The following ADGRV1 variants were observed in gnomAD, a reference collection of about 807,000 sequenced individuals.
ADGRV1 encodes adhesion G protein-coupled receptor V1.
Under a neutral mutation model 596.2 loss-of-function variants are expected in ADGRV1, and 359 were observed. The observed-to-expected ratio is 0.60, with a 90% CI of 0.55 to 0.66. The LOEUF is 0.66. Ranked by LOEUF, ADGRV1 falls within the 30% of genes least tolerant of loss-of-function variation. The pLI, the probability that ADGRV1 is intolerant of heterozygous loss-of-function variation, is 0.00. For synonymous variants in ADGRV1, 2,681 were observed against 2,679.2 expected (o/e 1.00, Z -0.02); for missense variants, 7,274 against 7,575.6 (o/e 0.96, Z 1.48).
At chr5:90,647,453 T>C in intron 16 of ADGRV1, 45 bp from the exon 17 acceptor site, 1 of 1,562,636 alleles carries the variant, frequency 6.4e-7, no homozygotes, top group South Asian at 1.2e-5. Flanking sequence ...AAATATGTGA[T>C]GGAATCAGAA....
At chr5:90,644,497 T>C (rs1451477709) in intron 14 of ADGRV1, among the ~76,000 whole-genome samples, 1 of 152,094 alleles carries the variant, frequency 6.6e-6, no homozygotes, top group East Asian at 1.9e-4. Context: ...AAAAAATGAG[T>C]CCATTTACTT....
chr5:90,907,848 G>A (rs1437152737), intron 83 of ADGRV1, among the ~76,000 whole-genome samples: 1 of 151,954 alleles, frequency 6.6e-6, no homozygotes, highest in Non-Finnish European at 1.5e-5. Context: ...TATGGAATTT[G>A]CCAAATTATT....
At chr5:90,877,810 C>A (rs1769364418) in intron 83 of ADGRV1, among the ~76,000 whole-genome samples, 1 of 151,490 alleles carries the variant, frequency 6.6e-6, no homozygotes, top group South Asian at 2.1e-4. Flanking sequence ...TAAATCAATA[C>A]AACTTTACCT....
At chr5:90,823,367 C>G (rs1581237190) in intron 75 of ADGRV1, 58 bp from the exon 76 acceptor site, 2 of 1,527,746 alleles carry the variant, frequency 1.3e-6, no homozygotes, top group Non-Finnish European at 1.8e-6. Context: ...ATAATAAACT[C>G]TATTAGACAT....
intron 50 of ADGRV1, among the ~76,000 whole-genome samples, chr5:90,733,618 G>T (rs1435997635): frequency 6.6e-6 from 1 of 151,988 alleles, no homozygotes; most frequent in African/African-American, 2.4e-5. Flanking sequence ...TACTGACCAG[G>T]AATCACGGTT....
rs201254749 is a variant in ADGRV1 at position 90,645,671 on chromosome 5, AAT to A, written c.2899-294_2899-293del. Among the ~76,000 whole-genome samples, 1,069 of 152,332 alleles carry A rather than the reference AAT, an allele frequency of 7.0e-3. 5 individuals are homozygous for A. Among genetic ancestry groups the A allele is most frequent in the Non-Finnish European group, 0.011 (732 of 68,032 alleles). ...ATGTCTCCCATTTTCCTGCAGAAAT[AAT>A]ATGACCTCTGTGGTATATCAGTTTT... On this transcript the variant is annotated intron_variant, in intron 15 of 89. Coordinates refer to ENST00000405460, the MANE Select transcript of ADGRV1 (RefSeq NM_032119.4).
chr5:90,685,961 G>A lies in ADGRV1; in HGVS notation c.6456G>A (p.Val2152=). Residue 2152 remains valine, a synonymous_variant, in exon 29 of 90, where the codon GTG becomes GTA. Transcript: ENST00000405460. ...GAGGAGCATTTGCAGATGTCTCTGTGAAGTTTAAAGCTGTGCCAATAACTG... is the reference window on the plus strand; with the variant it reads ...GAGGAGCATTTGCAGATGTCTCTGTAAAGTTTAAAGCTGTGCCAATAACTG... ...RTGGAFADVS[V]KFKAVPITAI... is the part of the protein sequence containing the mutation. The A allele has an allele frequency of 6.3e-7, 1 of 1,599,872 alleles. No individual in the cohort carries two copies. Among genetic ancestry groups the A allele is most frequent in the Non-Finnish European group, 8.5e-7 (1 of 1,171,442 alleles).
intron 1 of ADGRV1, among the ~76,000 whole-genome samples, chr5:90,576,487 C>G (rs1390328619): frequency 6.6e-6 from 1 of 152,108 alleles, no homozygotes; most frequent in Non-Finnish European, 1.5e-5. Context: ...TGTATATGTG[C>G]CACATTTTCT....
At chr5:91,078,222 G>T (rs1418044250) in intron 86 of ADGRV1, among the ~76,000 whole-genome samples, 1 of 151,858 alleles carries the variant, frequency 6.6e-6, no homozygotes, top group African/African-American at 2.4e-5. Context: ...AAAAATTATT[G>T]AAAACTTTTT....
At chr5:90,808,442 A>C (rs1762113304) in intron 73 of ADGRV1, among the ~76,000 whole-genome samples, 2 of 152,242 alleles carry the variant, frequency 1.3e-5, no homozygotes, top group African/African-American at 2.4e-5. Context: ...AGTGTATTCA[A>C]GTATGTTTGT....
intron 59 of ADGRV1, among the ~76,000 whole-genome samples, chr5:90,764,828 C>A (rs1370732287): frequency 6.6e-6 from 1 of 152,186 alleles, no homozygotes; most frequent in Non-Finnish European, 1.5e-5. Flanking sequence ...GTATGGCACC[C>A]TCCATCTCAT....
chr5:90,790,088 A>G (rs910326499), intron 69 of ADGRV1, among the ~76,000 whole-genome samples: 1 of 152,192 alleles, frequency 6.6e-6, no homozygotes, highest in Non-Finnish European at 1.5e-5. Flanking sequence ...TTTTCCTCAC[A>G]CTTAATCATA....
chr5:90,612,682 A>G (rs1355384631), intron 1 of ADGRV1, among the ~76,000 whole-genome samples: 1 of 152,106 alleles, frequency 6.6e-6, no homozygotes, highest in Non-Finnish European at 1.5e-5. Context: ...TGCTGTTATG[A>G]TCACTCTGTA....
At chr5:90,971,198 T>C (rs537330671) in intron 84 of ADGRV1, among the ~76,000 whole-genome samples, 245 of 152,286 alleles carry the variant, frequency 1.6e-3, no homozygotes, top group African/African-American at 5.6e-3. Context: ...CATGGGACTA[T>C]GTGAAAAGAC....
intron 85 of ADGRV1, among the ~76,000 whole-genome samples, chr5:90,991,360 T>C (rs1203579113): frequency 1.3e-5 from 2 of 152,242 alleles, no homozygotes; most frequent in African/African-American, 4.8e-5. Flanking sequence ...AATTCTCTTA[T>C]GCCTAAGCTT....
intron 85 of ADGRV1, among the ~76,000 whole-genome samples, chr5:91,018,555 A>G (rs886650606): frequency 6.6e-6 from 1 of 151,992 alleles, no homozygotes; most frequent in Non-Finnish European, 1.5e-5. Context: ...AAAAGAAGAA[A>G]CTTGTAGGTC....
chr5:90,786,796 G>A (rs955500387), intron 67 of ADGRV1, among the ~76,000 whole-genome samples: 23 of 152,186 alleles, frequency 1.5e-4, no homozygotes, highest in Non-Finnish European at 2.8e-4. Context: ...AGAAGCTCAA[G>A]GAGAAATTAA....
rs1369247634 is a variant in ADGRV1, at chr5:90,629,258, T to C, written c.1558T>C (p.Phe520Leu). Reference sequence around the variant, plus strand: ...TGATGATGTCTATGGCCTAATAACATTTTTTCCTATGGAAAACCAGAAGAT... The same window carrying C: ...TGATGATGTCTATGGCCTAATAACACTTTTTCCTATGGAAAACCAGAAGAT... ...DSDDVYGLIT[F>L]FPMENQKIES... Residue 520 changes from phenylalanine (F) to leucine (L), a missense_variant, in exon 9 of 90, where the codon TTT becomes CTT. Physicochemically the swap from Phe to Leu is conservative, Grantham distance 22. Around this residue, in one of 5 missense-constraint regions of ADGRV1, gnomAD observed 1,715 missense variants for 1,708.8 expected, o/e 1.00. Coordinates refer to ENST00000405460, the MANE Select transcript of ADGRV1 (RefSeq NM_032119.4). The C allele has an allele frequency of 1.9e-6, 3 of 1,611,278 alleles. No homozygotes were observed. The Admixed American group carries it at 5.0e-5, about 27-fold the overall frequency.
intron 45 of ADGRV1, among the ~76,000 whole-genome samples, chr5:90,722,297 A>G (rs1388522599): frequency 2.0e-5 from 3 of 152,166 alleles, no homozygotes; most frequent in Non-Finnish European, 2.9e-5. Flanking sequence ...CATGCTATTC[A>G]TTAAGATGGA....
Sources: gnomAD v4.1 joint callset for allele counts (sites outside exome capture counted in the v4.1 genomes callset) on GRCh38, gnomAD v4.1.1 for gene constraint, gnomAD v4.1.1 regional missense constraint, MANE v1.5 for transcripts, NCBI Gene and HGNC (gene_info 2026-07-23, HGNC 2026-07-21) for gene names.